Variants in GFRAL observed in about 807,000 individuals in gnomAD.
GFRAL encodes the protein GDNF family receptor alpha like.
Under a neutral mutation model 45.4 loss-of-function variants are expected in GFRAL, and 36 were observed. That is an observed-to-expected ratio of 0.79 (90% CI 0.61 to 1.05). GFRAL has a LOEUF of 1.05. Ranked by LOEUF, GFRAL falls within the 50% of genes least tolerant of loss-of-function variation. GFRAL has a pLI of 0.00. For synonymous variants in GFRAL, 166 were observed against 154.1 expected (o/e 1.08, Z -0.57); for missense variants, 507 against 467.5 (o/e 1.08, Z -0.78).
intron 6 of GFRAL, among the ~76,000 whole-genome samples, chr6:55,368,747 G>A (rs1045516663): frequency 6.6e-6 from 1 of 152,202 alleles, no homozygotes; most frequent in African/African-American, 2.4e-5. Context: ...TCCCAGTTAG[G>A]CTGCTTGGGG....
chr6:55,350,198 A>G (rs1768097909), intron 4 of GFRAL, 53 bp downstream of exon 4: 1 of 1,055,642 alleles, frequency 9.5e-7, no homozygotes, highest in African/African-American at 1.6e-5. Flanking sequence ...CTGATAATAT[A>G]AAATGCAGTT....
intron 6 of GFRAL, among the ~76,000 whole-genome samples, chr6:55,389,763 T>C (rs886659214): frequency 7.2e-5 from 11 of 152,218 alleles, no homozygotes; most frequent in African/African-American, 2.7e-4. Flanking sequence ...TATTTCTAAT[T>C]CTCATTATGT....
chr6:55,356,549 G>C (rs546576752), intron 5 of GFRAL, among the ~76,000 whole-genome samples: 3 of 151,944 alleles, frequency 2.0e-5, no homozygotes, highest in African/African-American at 7.2e-5. Flanking sequence ...GGCATCATTT[G>C]TAATATTTCC....
intron 5 of GFRAL, 64 bp from the exon 6 acceptor site, chr6:55,358,824 G>GATCAC (rs1768230760): frequency 6.8e-7 from 1 of 1,459,926 alleles, no homozygotes; most frequent in African/African-American, 1.4e-5. Flanking sequence ...GGTGAGGGGG[G>GATCAC]ATCACATGTT....
At chr6:55,350,978 G>A (rs1369766530) in intron 4 of GFRAL, among the ~76,000 whole-genome samples, 1 of 152,028 alleles carries the variant, frequency 6.6e-6, no homozygotes, top group African/African-American at 2.4e-5. Flanking sequence ...ACCTTGGACT[G>A]GGAGATTTTT....
In GFRAL at chr6:55,386,368, G is replaced by A. The variant is rs542994014; in HGVS notation, c.953-12812G>A. 3.9e-5 allele frequency among the ~76,000 whole-genome samples: 6 copies of A among 152,208 alleles called. No homozygotes were observed. In the East Asian group the frequency reaches 1.2e-3, roughly 29 times the overall value. The stretch of plus-strand genomic sequence containing the variant: ...CCTAAGGGACATTCAAAAATATGAT[G>A]TGGAACTTTTGTCATCTACAAATCC... On this transcript the variant is annotated intron_variant, in intron 6 of 8. Coordinates refer to ENST00000340465, the MANE Select transcript of GFRAL (RefSeq NM_207410.2).
At chr6:55,365,894 A>C (rs945102664) in intron 6 of GFRAL, among the ~76,000 whole-genome samples, 15 of 146,502 alleles carry the variant, frequency 1.0e-4, no homozygotes, top group Non-Finnish European at 2.0e-4. Flanking sequence ...TATTGGTCTA[A>C]AATTCTCTTT....
chr6:55,376,982 C>G lies in GFRAL; in HGVS notation c.952+17844C>G, dbSNP rs185916415. ...TTAGGGGATCCTTATTTTAATGCCTCTAATCTTTGCTTGACAACCAATTTC... is the reference window on the plus strand; with the variant it reads ...TTAGGGGATCCTTATTTTAATGCCTGTAATCTTTGCTTGACAACCAATTTC... On this transcript the variant is annotated intron_variant, in intron 6 of 8. Coordinates refer to ENST00000340465, the MANE Select transcript of GFRAL (RefSeq NM_207410.2). Among the ~76,000 whole-genome samples the G allele has an allele frequency of 1.8e-4, 28 of 151,974 alleles. 1 individual carries two copies. The highest frequency in any genetic ancestry group is 6.8e-4 in the African/African-American group (28 of 41,464).
intron 3 of GFRAL, among the ~76,000 whole-genome samples, chr6:55,340,290 A>G (rs1282325421): frequency 6.6e-6 from 1 of 152,212 alleles, no homozygotes; most frequent in Admixed American, 6.5e-5. Context: ...AATATTCTCC[A>G]GAGTACACAG....
At chr6:55,377,550 T>C (rs1326465906) in intron 6 of GFRAL, among the ~76,000 whole-genome samples, 1 of 152,038 alleles carries the variant, frequency 6.6e-6, no homozygotes, top group Non-Finnish European at 1.5e-5. Context: ...ACACTGGAGA[T>C]TTTTAGGGGC....
chr6:55,357,137 C>T (rs918026026), intron 5 of GFRAL, among the ~76,000 whole-genome samples: 5 of 151,822 alleles, frequency 3.3e-5, no homozygotes, highest in African/African-American at 7.2e-5. Flanking sequence ...CAACGATCTG[C>T]GTGCTGAGGA....
Position 55,399,137 on chromosome 6 carries a change from T to C in GFRAL, c.953-43T>C, listed in dbSNP as rs766054229. 11 of 989,242 alleles carry C rather than the reference T, an allele frequency of 1.1e-5. No homozygotes were observed. The Admixed American group carries it at 2.3e-4, about 21-fold the overall frequency. 61.3% of individuals were successfully genotyped at this position (989,242 alleles called of 1,614,324 possible). A position where few individuals can be genotyped will look rare whatever the true frequency, so the allele number is the denominator to read the frequency against. On this transcript the variant is annotated intron_variant, in intron 6 of 8. Transcript: ENST00000340465. ...ATTGTAATCCATAAAATTAAAATAA[T>C]GTATGATATGTAACTAATCTCATTT...
chr6:55,333,431 C>A (rs1158944110), intron 2 of GFRAL, among the ~76,000 whole-genome samples: 3 of 151,948 alleles, frequency 2.0e-5, no homozygotes, highest in Non-Finnish European at 4.4e-5. Flanking sequence ...CAGATTATGA[C>A]AAAATAGCTA....
chr6:55,342,970 G>A (rs377049793), intron 3 of GFRAL, among the ~76,000 whole-genome samples: 1,949 of 152,174 alleles, frequency 0.013, 22 homozygotes, highest in Non-Finnish European at 0.022. Flanking sequence ...TGAACAAGAA[G>A]AGCTAACTAT....
chr6:55,370,824 A>C (rs1264825890), intron 6 of GFRAL, among the ~76,000 whole-genome samples: 6 of 152,204 alleles, frequency 3.9e-5, no homozygotes, highest in Non-Finnish European at 7.3e-5. Flanking sequence ...AATTCTTAAT[A>C]ATTTTCTTTT....
At chr6:55,361,140 A>G (rs992268731) in intron 6 of GFRAL, among the ~76,000 whole-genome samples, 2 of 152,036 alleles carry the variant, frequency 1.3e-5, no homozygotes, top group Non-Finnish European at 2.9e-5. Context: ...AAATGATTTC[A>G]CTTTTCTTTA....
At position 55,327,500 on chromosome 6, in the gene GFRAL, T is replaced by C. The variant is rs903631523; in HGVS notation, c.-55T>C. The C allele has an allele frequency of 1.2e-6, 2 of 1,602,376 alleles. No homozygotes were observed. The highest frequency in any genetic ancestry group is 1.7e-6 in the Non-Finnish European group (2 of 1,170,736). ...TGGACAGTTACTCTTAAGAAAGTTGTCAGAAGAAACGCATCTGCCTTTTTT... is the reference window on the plus strand; with the variant it reads ...TGGACAGTTACTCTTAAGAAAGTTGCCAGAAGAAACGCATCTGCCTTTTTT... On this transcript the variant is annotated 5_prime_UTR_variant, in exon 1 of 9. Transcript: ENST00000340465.
At chr6:55,337,571 T>C (rs753314395) in intron 3 of GFRAL, among the ~76,000 whole-genome samples, 18 of 152,220 alleles carry the variant, frequency 1.2e-4, no homozygotes, top group Non-Finnish European at 2.1e-4. Context: ...ATAAATTCAA[T>C]GTGTTAACTT....
chr6:55,335,455 A>G (rs1358244354), intron 3 of GFRAL, among the ~76,000 whole-genome samples: 3 of 152,132 alleles, frequency 2.0e-5, no homozygotes, highest in African/African-American at 7.2e-5. Flanking sequence ...AATTTTGGTG[A>G]AATTGAGTTT....
Sources: allele counts gnomAD v4.1 joint callset (sites outside exome capture counted in the v4.1 genomes callset), GRCh38; gene constraint gnomAD v4.1.1; transcripts MANE v1.5; gene names NCBI Gene and HGNC (gene_info 2026-07-23, HGNC 2026-07-21).